TRPS1: variants seen among roughly 807,000 people sequenced by gnomAD.
The protein encoded by TRPS1 is transcriptional repressor GATA binding 1.
A neutral mutation model predicts 101.2 loss-of-function variants in TRPS1; 6 were observed. The ratio of observed to expected loss-of-function variants is 0.06; its 90% CI spans 0.03 to 0.12. The LOEUF (loss-of-function observed/expected upper bound fraction) is 0.12. Ranked by LOEUF, TRPS1 falls within the 10% of genes least tolerant of loss-of-function variation. The pLI is 1.00. For missense variants in TRPS1, 1,363 were observed against 1,567.0 expected, an observed-to-expected ratio of 0.87 and a Z score of 2.20; for synonymous variants, 578 against 589.8, an observed-to-expected ratio of 0.98 and a Z score of 0.29.
chr8:115,424,290 C>G (rs936477735), intron 5 of TRPS1, among the ~76,000 whole-genome samples: 1 of 152,136 alleles, frequency 6.6e-6, no homozygotes, highest in African/African-American at 2.4e-5. Flanking sequence ...CTGATTATAT[C>G]AAAAAGTCTT....
intron 3 of TRPS1, among the ~76,000 whole-genome samples, chr8:115,605,793 T>C (rs980061208): frequency 1.3e-5 from 2 of 152,128 alleles, no homozygotes; most frequent in African/African-American, 2.4e-5. Flanking sequence ...AATTCCACCA[T>C]AAAAAATCAC....
intron 5 of TRPS1, among the ~76,000 whole-genome samples, chr8:115,551,765 G>C (rs1390600267): frequency 6.6e-6 from 1 of 152,050 alleles, no homozygotes; most frequent in Non-Finnish European, 1.5e-5. Flanking sequence ...GAATAAAATT[G>C]GAATAAAATT....
At chr8:115,553,335 T>C (rs1816745453) in intron 5 of TRPS1, among the ~76,000 whole-genome samples, 1 of 152,052 alleles carries the variant, frequency 6.6e-6, no homozygotes, top group Non-Finnish European at 1.5e-5. Flanking sequence ...ATTTAGAGTG[T>C]CTGTAAAAAT....
At chr8:115,538,700 C>T (rs1031812957) in intron 5 of TRPS1, among the ~76,000 whole-genome samples, 2 of 151,978 alleles carry the variant, frequency 1.3e-5, no homozygotes, top group Admixed American at 6.6e-5. Flanking sequence ...GTGCTAGATA[C>T]CATATGTTTT....
chr8:115,596,832 A>G (rs894485775), intron 4 of TRPS1, among the ~76,000 whole-genome samples: 1 of 151,906 alleles, frequency 6.6e-6, no homozygotes, highest in Non-Finnish European at 1.5e-5. Context: ...TATCATAAAC[A>G]TATAACATGA....
At chr8:115,467,921 C>A (rs1814365888) in intron 5 of TRPS1, among the ~76,000 whole-genome samples, 1 of 152,056 alleles carries the variant, frequency 6.6e-6, no homozygotes, top group African/African-American at 2.4e-5. Flanking sequence ...GAGATGTTAC[C>A]CAAGAGTAGT....
chr8:115,635,281 A>G (rs1398847717), intron 1 of TRPS1, among the ~76,000 whole-genome samples: 1 of 152,086 alleles, frequency 6.6e-6, no homozygotes, highest in Non-Finnish European at 1.5e-5. Flanking sequence ...AAACAAGCTG[A>G]TATGAGAATT....
intron 4 of TRPS1, among the ~76,000 whole-genome samples, chr8:115,593,488 G>T (rs1339255541): frequency 6.6e-6 from 1 of 152,112 alleles, no homozygotes; most frequent in African/African-American, 2.4e-5. Flanking sequence ...TGGTTGTTCA[G>T]GAATTAGTAC....
intron 1 of TRPS1, among the ~76,000 whole-genome samples, chr8:115,647,594 C>T (rs1356970677): frequency 1.3e-5 from 2 of 152,182 alleles, no homozygotes; most frequent in Non-Finnish European, 2.9e-5. Context: ...GAGACACACA[C>T]TTCCATCTAC....
intron 5 of TRPS1, among the ~76,000 whole-genome samples, chr8:115,497,324 C>T (rs1180164725): frequency 4.6e-5 from 7 of 152,184 alleles, no homozygotes; most frequent in Admixed American, 4.6e-4. Context: ...GGTTTACTCT[C>T]CTATGCGAAT....
rs551090801 is a variant in TRPS1 at position 115,630,084 on chromosome 8, T to C, written c.-121-6326A>G. 5.3e-5 allele frequency among the ~76,000 whole-genome samples: 8 copies of C among 152,022 alleles called. 1 individual carries two copies. Among genetic ancestry groups the C allele is most frequent in the African/African-American group, 1.9e-4 (8 of 41,528 alleles). ...GGTTAGGTAGATGTCAAAGTAAAACTGAAACAGGTAATTAAACTTAAATTA... is the reference window on the plus strand; with the variant it reads ...GGTTAGGTAGATGTCAAAGTAAAACCGAAACAGGTAATTAAACTTAAATTA... On this transcript the variant is annotated intron_variant, in intron 1 of 6. Transcript: ENST00000395715.
chr8:115,554,413 T>C (rs1162346010), intron 5 of TRPS1, among the ~76,000 whole-genome samples: 5 of 152,164 alleles, frequency 3.3e-5, no homozygotes, highest in Admixed American at 3.3e-4. Flanking sequence ...GCATTTCCGT[T>C]ATCACCAAAT....
chr8:115,499,789 G>A (rs1196454260), intron 5 of TRPS1, among the ~76,000 whole-genome samples: 1 of 152,130 alleles, frequency 6.6e-6, no homozygotes, highest in African/African-American at 2.4e-5. Context: ...TACTGGATTT[G>A]TTTGCTGTGT....
At chr8:115,457,240 A>C (rs1814052245) in intron 5 of TRPS1, among the ~76,000 whole-genome samples, 1 of 152,250 alleles carries the variant, frequency 6.6e-6, no homozygotes, top group Admixed American at 6.5e-5. Context: ...AATAAGCAAA[A>C]TATGGTATAT....
intron 5 of TRPS1, among the ~76,000 whole-genome samples, chr8:115,490,559 A>G (rs904895752): frequency 6.6e-6 from 1 of 152,200 alleles, no homozygotes; most frequent in Non-Finnish European, 1.5e-5. Flanking sequence ...AAGCAGCTAT[A>G]AACTTAGTAC....
chr8:115,605,445 TG>T (rs1563639005), intron 3 of TRPS1, among the ~76,000 whole-genome samples: 3 of 152,188 alleles, frequency 2.0e-5, no homozygotes, highest in Non-Finnish European at 4.4e-5. Flanking sequence ...TCAATGCAGA[TG>T]TTCTCCAAGG....
intron 5 of TRPS1, among the ~76,000 whole-genome samples, chr8:115,542,508 G>A (rs372359520): frequency 2.6e-5 from 4 of 152,048 alleles, no homozygotes; most frequent in South Asian, 2.1e-4. Flanking sequence ...AAGGAAAAAC[G>A]CCAGAGTCCT....
intron 5 of TRPS1, among the ~76,000 whole-genome samples, chr8:115,485,082 C>T (rs1814845180): frequency 6.6e-6 from 1 of 152,170 alleles, no homozygotes. Context: ...GACCTTACAA[C>T]AGGAGGTTAT....
At chr8:115,553,482 C>T (rs1816748429) in intron 5 of TRPS1, among the ~76,000 whole-genome samples, 1 of 152,084 alleles carries the variant, frequency 6.6e-6, no homozygotes, top group African/African-American at 2.4e-5. Context: ...TTTAGGCTGA[C>T]CACGCTGTTA....
Sources: gnomAD v4.1 joint callset for allele counts (sites outside exome capture counted in the v4.1 genomes callset) on GRCh38, gnomAD v4.1.1 for gene constraint, MANE v1.5 for transcripts, NCBI Gene and HGNC (gene_info 2026-07-23, HGNC 2026-07-21) for gene names.